DPF3: variants seen among roughly 807,000 people sequenced by gnomAD.
DPF3 encodes double PHD fingers 3.
A neutral mutation model predicts 56.8 loss-of-function variants in DPF3; 18 were observed. The observed-to-expected ratio is 0.32, with a 90% CI of 0.22 to 0.47. The LOEUF (loss-of-function observed/expected upper bound fraction) is 0.47. Ranked by LOEUF, DPF3 falls within the 20% of genes least tolerant of loss-of-function variation. DPF3 has a pLI of 1.00. For synonymous variants in DPF3, 188 were observed against 180.2 expected, an observed-to-expected ratio of 1.04 and a Z score of -0.35; for missense variants, 403 against 488.8, an observed-to-expected ratio of 0.82 and a Z score of 1.65.
intron 4 of DPF3, among the ~76,000 whole-genome samples, chr14:72,729,143 G>C (rs1242957238): frequency 6.6e-6 from 1 of 152,128 alleles, no homozygotes; most frequent in Non-Finnish European, 1.5e-5. Context: ...AGCTACTCAG[G>C]AGGCTGAGAC....
At chr14:72,636,440 T>A (rs1406028759) in intron 8 of DPF3, among the ~76,000 whole-genome samples, 1 of 152,172 alleles carries the variant, frequency 6.6e-6, no homozygotes, top group Non-Finnish European at 1.5e-5. Flanking sequence ...TCCTCTCTTC[T>A]CTCTTTCTCT....
intron 8 of DPF3, among the ~76,000 whole-genome samples, chr14:72,650,472 G>A (rs1329159584): frequency 6.6e-6 from 1 of 152,194 alleles, no homozygotes; most frequent in African/African-American, 2.4e-5. Context: ...GCACTGCCCC[G>A]GGGGCCAGGA....
chr14:72,717,543 C>T (rs1888983677), intron 5 of DPF3, among the ~76,000 whole-genome samples: 1 of 152,224 alleles, frequency 6.6e-6, no homozygotes, highest in Admixed American at 6.5e-5. Flanking sequence ...TGGGTATTAG[C>T]ATCTTCTTCC....
intron 8 of DPF3, among the ~76,000 whole-genome samples, chr14:72,632,723 AAGGGAAAGAAGGGAAGG>A (rs1186328771): frequency 1.5e-5 from 1 of 68,378 alleles, no homozygotes; most frequent in Non-Finnish European, 3.7e-5. Context: ...GAAGGGAAGG[AAGGGAAAGAAGGGAAGG>A]AGGGAAGGAT....
At chr14:72,887,330 A>T (rs149202738) in intron 1 of DPF3, among the ~76,000 whole-genome samples, 1 of 152,292 alleles carries the variant, frequency 6.6e-6, no homozygotes, top group African/African-American at 2.4e-5. Context: ...ATGGGATGCT[A>T]GTGAGAAGAA....
At chr14:72,702,965 C>T (rs1029290438) in intron 6 of DPF3, among the ~76,000 whole-genome samples, 3 of 152,174 alleles carry the variant, frequency 2.0e-5, no homozygotes, top group African/African-American at 4.8e-5. Flanking sequence ...GATACTAACC[C>T]GCTATGCACC....
At chr14:72,791,847 C>T (rs61986305) in intron 1 of DPF3, among the ~76,000 whole-genome samples, 1 of 152,206 alleles carries the variant, frequency 6.6e-6, no homozygotes, top group Admixed American at 6.5e-5. Context: ...CCCACCAGTA[C>T]ATGCTGCCTC....
chr14:72,663,303 G>T (rs888284839), intron 8 of DPF3, among the ~76,000 whole-genome samples: 22 of 152,026 alleles, frequency 1.4e-4, no homozygotes, highest in African/African-American at 4.8e-4. Context: ...TAGTTCTATG[G>T]TATAGAACCA....
In DPF3 at chr14:72,756,928, AAG is replaced by A. The variant is rs1186539119; in HGVS notation, c.194-3559_194-3558del. On this transcript the variant is annotated intron_variant, in intron 2 of 10. Transcript: ENST00000556509. ...AAAAAAAGAAAGAAAGAAAGAAAGA[AAG>A]AAGAGAAGAGAAGAGAAAGGGAGAG... Among the ~76,000 whole-genome samples the A allele has an allele frequency of 6.2e-4, 86 of 139,044 alleles. 1 individual carries two copies. The highest frequency in any genetic ancestry group is 4.1e-4 in the Admixed American group (6 of 14,612). The allele number at this position is 139,044 out of a possible 152,430, so 91.2% of individuals were successfully genotyped here.
chr14:72,825,337 T>TACAGACCCACAAGG (rs1215345242), intron 1 of DPF3, among the ~76,000 whole-genome samples: 1 of 152,206 alleles, frequency 6.6e-6, no homozygotes, highest in Non-Finnish European at 1.5e-5. Context: ...GAATTGAATA[T>TACAGACCCACAAGG]ACAGACCCAC....
intron 1 of DPF3, among the ~76,000 whole-genome samples, chr14:72,830,782 C>T (rs970443718): frequency 2.6e-5 from 4 of 152,210 alleles, no homozygotes; most frequent in African/African-American, 9.7e-5. Flanking sequence ...TTTCAATAAA[C>T]ACTTACCAAA....
chr14:72,698,161 A>T (rs531762014), intron 6 of DPF3, among the ~76,000 whole-genome samples: 36 of 152,358 alleles, frequency 2.4e-4, no homozygotes, highest in South Asian at 6.2e-4. Context: ...TCACGTGTCA[A>T]TACAGACAGT....
intron 1 of DPF3, among the ~76,000 whole-genome samples, chr14:72,872,259 G>A (rs1460182782): frequency 6.6e-6 from 1 of 152,118 alleles, no homozygotes; most frequent in Non-Finnish European, 1.5e-5. Context: ...CTCCAGGCCT[G>A]TGATGGGAGG....
intron 1 of DPF3, among the ~76,000 whole-genome samples, chr14:72,800,377 A>ATGGATGG (rs1892822772): frequency 5.5e-5 from 1 of 18,050 alleles, no homozygotes; most frequent in African/African-American, 6.2e-5. Flanking sequence ...TAAATAGATA[A>ATGGATGG]ATGGATGGAT....
intron 1 of DPF3, among the ~76,000 whole-genome samples, chr14:72,787,890 TGCCATGCACACAG>T (rs1005361813): frequency 6.6e-6 from 1 of 152,224 alleles, no homozygotes; most frequent in Non-Finnish European, 1.5e-5. Context: ...CTTCTCCATT[TGCCATGCACACAG>T]CCTTTGCCTC....
chr14:72,837,122 C>T (rs1884329904), intron 1 of DPF3, among the ~76,000 whole-genome samples: 1 of 151,980 alleles, frequency 6.6e-6, no homozygotes, highest in African/African-American at 2.4e-5. Flanking sequence ...CCACCCGTCT[C>T]GGCCACCCAA....
intron 1 of DPF3, among the ~76,000 whole-genome samples, chr14:72,786,004 G>A (rs964202161): frequency 6.6e-6 from 1 of 152,222 alleles, no homozygotes; most frequent in African/African-American, 2.4e-5. Context: ...GCTCACGCCT[G>A]TAATGCCAAC....
At chr14:72,870,463 T>C (rs1171145205) in intron 1 of DPF3, among the ~76,000 whole-genome samples, 1 of 152,250 alleles carries the variant, frequency 6.6e-6, no homozygotes, top group Non-Finnish European at 1.5e-5. Context: ...TCTACATCTG[T>C]GAACTTCTTG....
At chr14:72,838,315 G>A (rs913390933) in intron 1 of DPF3, among the ~76,000 whole-genome samples, 8 of 152,006 alleles carry the variant, frequency 5.3e-5, no homozygotes, top group African/African-American at 1.9e-4. Flanking sequence ...CCAACATGGT[G>A]AAACTTTGTC....
Sources: allele counts gnomAD v4.1 joint callset (sites outside exome capture counted in the v4.1 genomes callset), GRCh38; gene constraint gnomAD v4.1.1; transcripts MANE v1.5; gene names NCBI Gene and HGNC (gene_info 2026-07-23, HGNC 2026-07-21).